The following SVOP variants were observed in gnomAD, a reference collection of about 807,000 sequenced individuals.
SVOP encodes synaptic vesicle 2-related protein.
SVOP carries 17 observed loss-of-function variants against 69.1 expected under a neutral mutation model. That is an observed-to-expected ratio of 0.25 (90% CI 0.17 to 0.37). The LOEUF is 0.37. SVOP is among the 10% of genes least tolerant of loss of function. The pLI is 1.00. For missense variants in SVOP, 435 were observed against 597.5 expected, an observed-to-expected ratio of 0.73 and a Z score of 2.84; for synonymous variants, 238 against 238.6, an observed-to-expected ratio of 1.00 and a Z score of 0.02.
chr12:108,922,458 C>A (rs2039754897), intron 12 of SVOP, among the ~76,000 whole-genome samples: 1 of 152,208 alleles, frequency 6.6e-6, no homozygotes, highest in African/African-American at 2.4e-5. Context: ...AGTCTCATGT[C>A]TTCTGCCAGC....
intron 2 of SVOP, among the ~76,000 whole-genome samples, chr12:108,982,147 A>T (rs1351413719): frequency 2.6e-5 from 4 of 151,698 alleles, no homozygotes; most frequent in African/African-American, 9.7e-5. Context: ...TATCATCATC[A>T]TTGCCAACCT....
intron 1 of SVOP, among the ~76,000 whole-genome samples, chr12:109,010,666 C>A (rs2040336560): frequency 6.6e-6 from 1 of 151,436 alleles, no homozygotes; most frequent in Admixed American, 6.6e-5. Flanking sequence ...GGCACCACAC[C>A]CAGATAATTT....
intron 5 of SVOP, among the ~76,000 whole-genome samples, chr12:108,970,404 G>A (rs36180554): frequency 0.69 from 104,540 of 151,626 alleles, 36,561 homozygotes; most frequent in South Asian, 0.79. Flanking sequence ...TAAGGGGATT[G>A]GATGAGCTAA....
In SVOP at chr12:108,912,065, C is replaced by G. The variant is rs2039687015; in HGVS notation, c.*470G>C. On this transcript the variant is annotated 3_prime_UTR_variant, in exon 16 of 16. Coordinates refer to ENST00000610966, the MANE Select transcript of SVOP (RefSeq NM_018711.5). ...AGCTGCTCAGACCACACCTAGATCG[C>G]CTGCAATTTCAAAGAAGAAAGCCTG... The G allele has an allele frequency of 1.5e-6, 1 of 654,284 alleles. No homozygotes were observed. Among genetic ancestry groups the G allele is most frequent in the African/African-American group, 2.0e-5 (1 of 50,684 alleles). The allele number at this position is 654,284 out of a possible 1,614,324, so 40.5% of individuals were successfully genotyped here. A position where few individuals can be genotyped will look rare whatever the true frequency, so the allele number is the denominator to read the frequency against.
rs1400663513 is a variant in SVOP at position 108,909,495 on chromosome 12, AT to A, written c.*3039del. ...TCATCTCAAAAAAAAAAAAAAAGTA[AT>A]TGCAGTTTTTGCCATTGAAAATAAT... On this transcript the variant is annotated 3_prime_UTR_variant, in exon 16 of 16. Transcript: ENST00000610966. The A allele has an allele frequency of 9.2e-5, 14 of 151,544 alleles. No homozygotes were observed. The highest frequency in any genetic ancestry group is 1.6e-4 in the Non-Finnish European group (11 of 68,020). 9.4% of individuals were successfully genotyped at this position (151,544 alleles called of 1,614,324 possible).
At chr12:108,944,629 G>A (rs1593185910) in intron 7 of SVOP, among the ~76,000 whole-genome samples, 1 of 152,116 alleles carries the variant, frequency 6.6e-6, no homozygotes. Flanking sequence ...TAGAAAATGG[G>A]TCACAAGACC....
chr12:108,972,369 A>G (rs1193902256), intron 5 of SVOP, 36 bp downstream of exon 5: 1 of 1,534,038 alleles, frequency 6.5e-7, no homozygotes, highest in Admixed American at 2.0e-5. Context: ...AAGACAACCC[A>G]GAGGACATGC....
chr12:109,018,815 A>G (rs912572094), intron 1 of SVOP, among the ~76,000 whole-genome samples: 2 of 152,246 alleles, frequency 1.3e-5, no homozygotes, highest in South Asian at 4.1e-4. Context: ...ATGTAATAAT[A>G]GTAATAGCTA....
chr12:108,911,159 A>G lies in SVOP; in HGVS notation c.*1376T>C, dbSNP rs113568255. ...ACATTTCACACACCTGAGTCCTCCC[A>G]CCCCTCTCCACTCCACGGCAGGCTC... On this transcript the variant is annotated 3_prime_UTR_variant, in exon 16 of 16. Coordinates refer to ENST00000610966, the MANE Select transcript of SVOP (RefSeq NM_018711.5). 5,805 of 151,722 alleles carry G rather than the reference A, an allele frequency of 0.038. 164 individuals carry two copies. The highest frequency in any genetic ancestry group is 0.099 in the Middle Eastern group (29 of 294). 9.4% of individuals were successfully genotyped at this position (151,722 alleles called of 1,614,324 possible).
chr12:108,978,382 GC>G, intron 3 of SVOP, 195 bp downstream of exon 3: 5 of 524,488 alleles, frequency 9.5e-6, no homozygotes, highest in Non-Finnish European at 1.7e-5. Context: ...GGGGGCAACT[GC>G]CAAACACACC....
intron 1 of SVOP, among the ~76,000 whole-genome samples, chr12:108,998,606 A>G (rs372647117): frequency 5.9e-5 from 9 of 152,310 alleles, no homozygotes; most frequent in East Asian, 5.8e-4. Flanking sequence ...GACTAACAGC[A>G]GATCTCTCGG....
At chr12:108,936,768 T>C (rs1386880608) in intron 10 of SVOP, among the ~76,000 whole-genome samples, 1 of 152,204 alleles carries the variant, frequency 6.6e-6, no homozygotes, top group Non-Finnish European at 1.5e-5. Flanking sequence ...TGAGCCACCA[T>C]GCCCAGCCAG....
chr12:109,013,145 A>C (rs1046456091), intron 1 of SVOP, among the ~76,000 whole-genome samples: 2 of 152,250 alleles, frequency 1.3e-5, no homozygotes, highest in Non-Finnish European at 2.9e-5. Context: ...GGAATCCAGT[A>C]GTAGGTGAAA....
intron 10 of SVOP, among the ~76,000 whole-genome samples, chr12:108,935,012 C>T (rs560645355): frequency 6.6e-6 from 1 of 152,240 alleles, no homozygotes; most frequent in Non-Finnish European, 1.5e-5. Flanking sequence ...ATCCAAAAAC[C>T]CTCTCTTGGG....
chr12:109,016,230 G>T (rs547331783), intron 1 of SVOP, among the ~76,000 whole-genome samples: 1 of 152,184 alleles, frequency 6.6e-6, no homozygotes, highest in Admixed American at 6.5e-5. Flanking sequence ...GGAGAAGAAG[G>T]CTTTGGCCCG....
intron 2 of SVOP, among the ~76,000 whole-genome samples, chr12:108,982,720 CATCATCATCACT>C (rs2040144899): frequency 6.7e-6 from 1 of 149,098 alleles, no homozygotes; most frequent in Non-Finnish European, 1.5e-5. Context: ...TCACCATCAT[CATCATCATCACT>C]ATCATCATCA....
chr12:108,926,160 A>G lies in SVOP; in HGVS notation c.1049-3363T>C, dbSNP rs58379082. On this transcript the variant is annotated intron_variant, in intron 11 of 15. Transcript: ENST00000610966. ...GGTCTCGAACTCCTAGCCTCAAGCA[A>G]TCCTCCCTCCTCGCCCTCCCAATTG... 3.5e-3 allele frequency among the ~76,000 whole-genome samples: 528 copies of G among 152,176 alleles called. 2 individuals are homozygous for G. The highest frequency in any genetic ancestry group is 0.012 in the African/African-American group (501 of 41,514).
intron 11 of SVOP, among the ~76,000 whole-genome samples, chr12:108,932,211 C>T (rs988685097): frequency 5.9e-5 from 9 of 151,946 alleles, no homozygotes; most frequent in Non-Finnish European, 1.3e-4. Context: ...GAGACAGGGT[C>T]TTGCCATGTT....
At chr12:108,927,643 C>G (rs1302013281) in intron 11 of SVOP, among the ~76,000 whole-genome samples, 1 of 145,784 alleles carries the variant, frequency 6.9e-6, no homozygotes, top group Non-Finnish European at 1.5e-5. Context: ...CAGGCTGGAG[C>G]AGGATTGTGC....
Sources: gnomAD v4.1 joint callset for allele counts (sites outside exome capture counted in the v4.1 genomes callset) on GRCh38, gnomAD v4.1.1 for gene constraint, MANE v1.5 for transcripts, NCBI Gene and HGNC (gene_info 2026-07-23, HGNC 2026-07-21) for gene names.